ALOX15B: variants seen among roughly 807,000 people sequenced by gnomAD.
ALOX15B encodes polyunsaturated fatty acid lipoxygenase ALOX15B.
ALOX15B carries 74 observed loss-of-function variants against 73.8 expected under a neutral mutation model. The observed-to-expected ratio is 1.00, with a 90% CI of 0.83 to 1.22. The LOEUF is 1.22. ALOX15B is among the 50% of genes most tolerant of loss of function. The probability of loss-of-function intolerance (pLI) is 0.00; values close to 1 mark genes in which losing one functional copy is unlikely to be tolerated. For missense variants in ALOX15B, 896 were observed against 859.9 expected (o/e 1.04, Z -0.52); for synonymous variants, 353 against 357.2 (o/e 0.99, Z 0.13).
intron 11 of ALOX15B, 88 bp downstream of exon 11, chr17:8,047,467 G>A (rs146984236): frequency 9.8e-5 from 146 of 1,484,734 alleles, no homozygotes; most frequent in Admixed American, 1.3e-4. Context: ...GAGTGGCCCC[G>A]TCCCCGTGTC....
chr17:8,045,479 C>G lies in ALOX15B; in HGVS notation c.997-4C>G, dbSNP rs1250400008. ...TGCCTCTCTCCCCACCTGCCTCCCC[C>G]CAGCTCAGCCAGACCCCCGGCCCAA... is the stretch of plus-strand genomic sequence containing the variant. On this transcript the variant is annotated splice_region_variant and splice_polypyrimidine_tract_variant and intron_variant, in intron 7 of 13. Coordinates refer to ENST00000380183, the MANE Select transcript of ALOX15B (RefSeq NM_001141.3). 1 of 1,614,124 alleles carries G rather than the reference C, an allele frequency of 6.2e-7. No homozygotes were observed. Among genetic ancestry groups the G allele is most frequent in the Non-Finnish European group, 8.5e-7 (1 of 1,180,024 alleles).
intron 8 of ALOX15B, 39 bp downstream of exon 8, chr17:8,045,725 C>G (rs887687711): frequency 1.9e-6 from 3 of 1,598,662 alleles, no homozygotes; most frequent in Non-Finnish European, 2.6e-6. Context: ...TGTGCCCATG[C>G]CTCTGTGCCT....
chr17:8,040,646 A>AGAAAGAAAGAAG (rs1555638499), intron 3 of ALOX15B, among the ~76,000 whole-genome samples: 1,293 of 123,292 alleles, frequency 0.01, 16 homozygotes, highest in South Asian at 0.018. Context: ...AAAGAAAGAA[A>AGAAAGAAAGAAG]GAAAGAAAAG....
rs1567970437 is a variant in ALOX15B, at chr17:8,042,459, G to A, written c.540G>A (p.Lys180=). ...TCAATATCAAATACTCCACAGCCAA[G>A]AATGCCAACTTTTATCTACAGGCTG... The part of the protein sequence containing the change: ...LELNIKYSTA[K]NANFYLQAGS... The change falls in exon 4 of 14, where the codon AAG becomes AAA. Residue 180 remains lysine (K), a synonymous_variant. Coordinates refer to ENST00000380183, the MANE Select transcript of ALOX15B (RefSeq NM_001141.3). The A allele has an allele frequency of 6.2e-7, 1 of 1,613,996 alleles. No homozygotes were observed. The highest frequency in any genetic ancestry group is 2.2e-5 in the East Asian group (1 of 44,886).
chr17:8,041,716 C>G (rs1290785132), intron 3 of ALOX15B, among the ~76,000 whole-genome samples: 1 of 152,198 alleles, frequency 6.6e-6, no homozygotes, highest in African/African-American at 2.4e-5. Flanking sequence ...CCTGGAAGGT[C>G]TTTGGCTGTG....
chr17:8,040,811 G>C (rs1976445646), intron 3 of ALOX15B, among the ~76,000 whole-genome samples: 1 of 152,174 alleles, frequency 6.6e-6, no homozygotes, highest in Non-Finnish European at 1.5e-5. Flanking sequence ...TCCAGGGCTA[G>C]CAAGGGGTGA....
chr17:8,047,880 G>T lies in ALOX15B; in HGVS notation c.1816G>T (p.Ala606Ser). Residue 606 changes from alanine (A) to serine (S), a missense_variant, in exon 13 of 14, where the codon GCT (alanine) becomes TCT (serine). Transcript: ENST00000380183. ...CAATGCCACATGTGATGTCATCCTTGCTCTCTGGTTGCTGAGCAAGGAGCC... is the reference window on the plus strand; with the variant it reads ...CAATGCCACATGTGATGTCATCCTTTCTCTCTGGTTGCTGAGCAAGGAGCC... The part of the protein sequence containing the change: ...PVNATCDVIL[A>S]LWLLSKEPGD... 3 of 1,614,154 alleles carry T rather than the reference G, an allele frequency of 1.9e-6. No individual in the cohort carries two copies. Among genetic ancestry groups the T allele is most frequent in the South Asian group, 1.1e-5 (1 of 91,080 alleles).
intron 2 of ALOX15B, 98 bp from the exon 3 acceptor site, chr17:8,039,804 G>A (rs1976385380): frequency 1.5e-6 from 2 of 1,318,336 alleles, no homozygotes; most frequent in Non-Finnish European, 2.1e-6. Flanking sequence ...ATGGGAGGAG[G>A]GGACCTGGTA....
Position 8,039,198 on chromosome 17 carries a change from G to A in ALOX15B, c.43G>A (p.Gly15Arg), listed in dbSNP as rs145035264. ...RVRVSTGEAFGAGTWDKVSVS... is the reference protein window; with the variant it reads ...RVRVSTGEAFRAGTWDKVSVS... ...CAGGGTGTCCACCGGAGAAGCCTTC[G>A]GGGCTGGCACATGGGACAAAGTGTC... Residue 15 changes from glycine (G) to arginine (R), a missense_variant, in exon 1 of 14, where the codon GGG becomes AGG. Physicochemically the swap from Gly to Arg is moderately radical, Grantham distance 125. Coordinates refer to ENST00000380183, the MANE Select transcript of ALOX15B (RefSeq NM_001141.3). The A allele has an allele frequency of 2.1e-3, 3,323 of 1,613,082 alleles. 67 individuals carry two copies. In the African/African-American group the frequency reaches 0.039, roughly 19 times the overall value.
At chr17:8,043,067 C>A (rs117880363) in intron 5 of ALOX15B, among the ~76,000 whole-genome samples, 183 bp downstream of exon 5, 1 of 152,138 alleles carries the variant, frequency 6.6e-6, no homozygotes, top group African/African-American at 2.4e-5. Context: ...GACCTTCTAA[C>A]GCCTTCTAAT....
rs762706670 is a variant in ALOX15B at position 8,047,864 on chromosome 17, A to G, written c.1800A>G (p.Thr600=). 9 of 1,614,032 alleles carry G rather than the reference A, an allele frequency of 5.6e-6. No homozygotes were observed. In the East Asian group the frequency reaches 1.3e-4, roughly 24 times the overall value. Residue 600 remains threonine, a synonymous_variant, in exon 13 of 14, where the codon ACA becomes ACG. Coordinates refer to ENST00000380183, the MANE Select transcript of ALOX15B (RefSeq NM_001141.3). ...CCACCCTCCCACCTGTCAATGCCAC[A>G]TGTGATGTCATCCTTGCTCTCTGGT... is the stretch of plus-strand genomic sequence containing the variant. ...FIATLPPVNA[T]CDVILALWLL...
chr17:8,045,753 C>G, intron 8 of ALOX15B, 67 bp downstream of exon 8: 1 of 1,533,666 alleles, frequency 6.5e-7, no homozygotes, highest in Non-Finnish European at 8.9e-7. Context: ...GCAGCCTTTC[C>G]TCACATGGCC....
At chr17:8,040,852 G>A (rs917290543) in intron 3 of ALOX15B, among the ~76,000 whole-genome samples, 5 of 152,100 alleles carry the variant, frequency 3.3e-5, no homozygotes, top group African/African-American at 9.7e-5. Context: ...TCTGGGCTCA[G>A]CATTGGAGAT....
intron 5 of ALOX15B, among the ~76,000 whole-genome samples, chr17:8,043,946 G>C (rs977482256): frequency 6.6e-6 from 1 of 152,144 alleles, no homozygotes; most frequent in Admixed American, 6.5e-5. Context: ...GCATGGGCCT[G>C]TAGTCCCAGC....
At chr17:8,046,850 G>A in intron 9 of ALOX15B, 57 bp from the exon 10 acceptor site, 6 of 1,611,962 alleles carry the variant, frequency 3.7e-6, no homozygotes, top group Non-Finnish European at 5.1e-6. Flanking sequence ...CCCGACACCA[G>A]TGCTACCTCC....
rs1976364632 is a variant in ALOX15B at position 8,039,401 on chromosome 17, G to A, written c.163G>A (p.Val55Met). The change falls in exon 2 of 14, where the codon GTG (valine) becomes ATG (methionine). Residue 55 changes from valine (V) to methionine (M), a missense_variant. Coordinates refer to ENST00000380183, the MANE Select transcript of ALOX15B (RefSeq NM_001141.3). ...CTCCCCTCAGGAGGAGGACTTCCAGGTGACGCTCCCGGAGGACGTAGGCCG... is the reference window on the plus strand; with the variant it reads ...CTCCCCTCAGGAGGAGGACTTCCAGATGACGCTCCCGGAGGACGTAGGCCG... ...FTAGAEEDFQVTLPEDVGRVL... is the reference protein window; with the variant it reads ...FTAGAEEDFQMTLPEDVGRVL... 3 of 1,613,012 alleles carry A rather than the reference G, an allele frequency of 1.9e-6. No individual in the cohort carries two copies. Among genetic ancestry groups the A allele is most frequent in the South Asian group, 1.1e-5 (1 of 90,942 alleles).
chr17:8,040,020 A>G, intron 3 of ALOX15B, 37 bp downstream of exon 3: 1 of 1,592,826 alleles, frequency 6.3e-7, no homozygotes, highest in Non-Finnish European at 8.6e-7. Flanking sequence ...GGGTGTGCCC[A>G]AACGATGAGG....
At chr17:8,040,054 GAC>G (rs1474489671) in intron 3 of ALOX15B, 71 bp downstream of exon 3, 2 of 1,465,818 alleles carry the variant, frequency 1.4e-6, no homozygotes, top group Non-Finnish European at 1.9e-6. Flanking sequence ...TCCTGGTCAT[GAC>G]AGAGATTAAA....
intron 4 of ALOX15B, 69 bp downstream of exon 4, chr17:8,042,560 CT>C (rs1445387737): frequency 7.0e-6 from 11 of 1,577,462 alleles, no homozygotes; most frequent in African/African-American, 4.0e-5. Context: ...CTGCCCTCCC[CT>C]AGTCAGTTCC....
Sources: allele counts gnomAD v4.1 joint callset (sites outside exome capture counted in the v4.1 genomes callset), GRCh38; gene constraint gnomAD v4.1.1; transcripts MANE v1.5; gene names NCBI Gene and HGNC (gene_info 2026-07-23, HGNC 2026-07-21).